NFILZ: variants seen among roughly 807,000 people sequenced by gnomAD.
NFILZ encodes NFIL3 like protein.
At chr19:8,663,726 G>A (rs1360429105) in intron 3 of NFILZ, among the ~76,000 whole-genome samples, 1 of 84,016 alleles carries the variant, frequency 1.2e-5, no homozygotes, top group African/African-American at 5.4e-5. Context: ...GTGTGTTTGT[G>A]TGTGTGTGTG....
In NFILZ at chr19:8,662,877, C is replaced by T. The variant is rs569989475; in HGVS notation, c.-163-11674C>T. 2.2e-4 allele frequency among the ~76,000 whole-genome samples: 34 copies of T among 151,886 alleles called. 2 individuals are homozygous for T. In the South Asian group the frequency reaches 2.7e-3, roughly 12 times the overall value. On this transcript the variant is annotated intron_variant, in intron 3 of 5. Transcript: ENST00000691075. The stretch of plus-strand genomic sequence containing the variant: ...GTCTTCAACTCCTGACCTCTTGATC[C>T]GTCTGCCTCCCAAAATGCTGGGATT...
chr19:8,652,022 G>A (rs1301951157), intron 3 of NFILZ, among the ~76,000 whole-genome samples: 3 of 151,660 alleles, frequency 2.0e-5, no homozygotes, highest in Non-Finnish European at 4.4e-5. Flanking sequence ...AGACTAGAAA[G>A]AAATAATAAA....
At position 8,678,076 on chromosome 19, in the gene NFILZ, CAAT is replaced by C. The variant is rs2043122140; in HGVS notation, c.*442_*444del. ...TCCACCCATCTATTCATCCATCCATCAATCCATCCATCCATTCCATCCATCCAT... is the reference window on the plus strand; with the variant it reads ...TCCACCCATCTATTCATCCATCCATCCCATCCATCCATTCCATCCATCCAT... On this transcript the variant is annotated 3_prime_UTR_variant, in exon 6 of 6. Transcript: ENST00000691075. Among the ~76,000 whole-genome samples, 1 of 7,050 alleles carries C rather than the reference CAAT, an allele frequency of 1.4e-4. No individual in the cohort carries two copies. 4.6% of individuals were successfully genotyped at this position (7,050 alleles called of 152,430 possible). A position where few individuals can be genotyped will look rare whatever the true frequency, so the allele number is the denominator to read the frequency against.
At chr19:8,652,103 A>AT (rs35038370) in intron 3 of NFILZ, among the ~76,000 whole-genome samples, 34,892 of 141,780 alleles carry the variant, frequency 0.25, 4,595 homozygotes, top group Middle Eastern at 0.36. Flanking sequence ...CCACTGGGAG[A>AT]TTTTTTTTTT....
At chr19:8,633,620 C>T (rs1555745776) in intron 2 of NFILZ, among the ~76,000 whole-genome samples, 1 of 152,208 alleles carries the variant, frequency 6.6e-6, no homozygotes, top group Non-Finnish European at 1.5e-5. Flanking sequence ...GCACCTGCAG[C>T]TGCTGTGGGA....
chr19:8,653,038 T>TTCTTTCTC (rs1555747925), intron 3 of NFILZ, among the ~76,000 whole-genome samples: 2 of 90,596 alleles, frequency 2.2e-5, no homozygotes, highest in African/African-American at 9.4e-5. Flanking sequence ...CTTTCTTTCT[T>TTCTTTCTC]TCTCTCTCTC....
At chr19:8,641,651 G>T (rs1418898465) in intron 3 of NFILZ, among the ~76,000 whole-genome samples, 1 of 152,060 alleles carries the variant, frequency 6.6e-6, no homozygotes, top group African/African-American at 2.4e-5. Flanking sequence ...GACAGCCCTT[G>T]GTGTCAGAGT....
chr19:8,635,065 T>G (rs1043140330), intron 2 of NFILZ, among the ~76,000 whole-genome samples: 1 of 151,882 alleles, frequency 6.6e-6, no homozygotes, highest in African/African-American at 2.4e-5. Flanking sequence ...ATCCTAGCAC[T>G]TTGGGAGGCT....
chr19:8,632,698 G>A (rs1369570106), intron 2 of NFILZ, 73 bp downstream of exon 2: 1 of 151,668 alleles, frequency 6.6e-6, no homozygotes, highest in Non-Finnish European at 1.5e-5. Flanking sequence ...AGCAGCTCTT[G>A]TCTGTGGAGT....
intron 1 of NFILZ, among the ~76,000 whole-genome samples, chr19:8,632,245 AGTGT>A (rs35056229): frequency 0.2 from 29,532 of 145,202 alleles, 2,960 homozygotes; most frequent in Middle Eastern, 0.32. Context: ...CCCGCCATAC[AGTGT>A]GTGTGTGTGT....
intron 2 of NFILZ, among the ~76,000 whole-genome samples, chr19:8,634,853 C>T (rs1055773477): frequency 1.3e-4 from 20 of 151,894 alleles, no homozygotes; most frequent in African/African-American, 3.6e-4. Flanking sequence ...GCACTTTAGC[C>T]AAGACCCTAT....
At chr19:8,644,996 C>T (rs1555746945) in intron 3 of NFILZ, among the ~76,000 whole-genome samples, 1 of 151,784 alleles carries the variant, frequency 6.6e-6, no homozygotes, top group African/African-American at 2.4e-5. Flanking sequence ...AACTCCTGAC[C>T]TCAGGTGATC....
chr19:8,653,042 C>CTT (rs2042975704), intron 3 of NFILZ, among the ~76,000 whole-genome samples: 21 of 28,246 alleles, frequency 7.4e-4, no homozygotes, highest in South Asian at 4.4e-3. Flanking sequence ...CTTTCTTTCT[C>CTT]TCTCTCTCTC....
intron 3 of NFILZ, among the ~76,000 whole-genome samples, chr19:8,638,039 G>A (rs146345083): frequency 1.8e-3 from 274 of 151,814 alleles, no homozygotes; most frequent in African/African-American, 6.4e-3. Context: ...GTTAGTGCCA[G>A]CATGACCTTG....
At chr19:8,673,069 C>G (rs2043095704) in intron 3 of NFILZ, among the ~76,000 whole-genome samples, 1 of 151,612 alleles carries the variant, frequency 6.6e-6, no homozygotes, top group Admixed American at 6.6e-5. Flanking sequence ...TGTGGAGGAG[C>G]GATTAGTGGG....
At chr19:8,669,661 A>G (rs1156938330) in intron 3 of NFILZ, among the ~76,000 whole-genome samples, 1 of 152,232 alleles carries the variant, frequency 6.6e-6, no homozygotes, top group Non-Finnish European at 1.5e-5. Flanking sequence ...ATCTGGGGAC[A>G]TTTAACCTGG....
intron 3 of NFILZ, among the ~76,000 whole-genome samples, chr19:8,647,423 T>A (rs1331396481): frequency 3.9e-5 from 6 of 151,980 alleles, no homozygotes; most frequent in Admixed American, 3.9e-4. Flanking sequence ...AATACAAAAA[T>A]TAGCTGGGCA....
chr19:8,654,328 A>AT (rs2042982536), intron 3 of NFILZ, among the ~76,000 whole-genome samples: 1 of 101,620 alleles, frequency 9.8e-6, no homozygotes, highest in Non-Finnish European at 2.2e-5. Context: ...GAAAAAAAAA[A>AT]AAATTATGGC....
intron 3 of NFILZ, among the ~76,000 whole-genome samples, chr19:8,653,047 T>TCCCTCC (rs2042976108): frequency 1.4e-5 from 1 of 69,888 alleles, no homozygotes; most frequent in Non-Finnish European, 3.0e-5. Context: ...TTTCTCTCTC[T>TCCCTCC]CTCTCTCTCT....
Sources: gnomAD v4.1 joint callset for allele counts (sites outside exome capture counted in the v4.1 genomes callset) on GRCh38, gnomAD v4.1.1 for gene constraint, MANE v1.5 for transcripts, NCBI Gene and HGNC (gene_info 2026-07-23, HGNC 2026-07-21) for gene names.